Variants in NFASC observed in about 807,000 individuals in gnomAD.
NFASC encodes the protein neurofascin homolog.
In NFASC, 43 loss-of-function variants were observed where a neutral mutation model predicts 147.5. The observed-to-expected ratio is 0.29, with a 90% CI of 0.23 to 0.38. The LOEUF (loss-of-function observed/expected upper bound fraction) is 0.38, where lower values mean the gene tolerates loss of function less well. NFASC is among the 10% of genes least tolerant of loss of function. NFASC has a pLI of 1.00. For synonymous variants in NFASC, 622 were observed against 665.5 expected (o/e 0.93, Z 1.01); for missense variants, 1,320 against 1,689.0 (o/e 0.78, Z 3.83).
intron 1 of NFASC, among the ~76,000 whole-genome samples, chr1:204,887,326 A>T (rs1470364803): frequency 6.6e-6 from 1 of 152,210 alleles, no homozygotes; most frequent in Non-Finnish European, 1.5e-5. Flanking sequence ...AGCATGAGTC[A>T]AAATTTCCTT....
chr1:204,868,769 T>G (rs1042071562), intron 1 of NFASC, among the ~76,000 whole-genome samples: 8 of 152,126 alleles, frequency 5.3e-5, no homozygotes, highest in Non-Finnish European at 1.2e-4. Context: ...ACCCTCTGGG[T>G]CTGCCCACCC....
At chr1:204,980,687 G>A (rs1015566585) in intron 20 of NFASC, among the ~76,000 whole-genome samples, 11 of 152,188 alleles carry the variant, frequency 7.2e-5, no homozygotes, top group South Asian at 2.1e-4. Context: ...AGGGTCCACC[G>A]ACTGCCAGTC....
chr1:204,927,826 A>G (rs1410046360), intron 2 of NFASC, among the ~76,000 whole-genome samples: 1 of 152,140 alleles, frequency 6.6e-6, no homozygotes, highest in East Asian at 1.9e-4. Flanking sequence ...GGGTGGGGTA[A>G]CTTCACAAGC....
At chr1:204,870,674 C>G in intron 1 of NFASC, 1 of 1,078,714 alleles carries the variant, frequency 9.3e-7, no homozygotes, top group South Asian at 2.8e-5. Context: ...CAGCGGTGAG[C>G]GAGTGAGCAA....
At chr1:204,839,881 G>A (rs1313651709) in intron 1 of NFASC, among the ~76,000 whole-genome samples, 4 of 152,228 alleles carry the variant, frequency 2.6e-5, no homozygotes, top group Non-Finnish European at 4.4e-5. Flanking sequence ...AGCTCTGGAG[G>A]AGCAAGAGAA....
intron 2 of NFASC, among the ~76,000 whole-genome samples, chr1:204,921,545 TG>T (rs1558107756): frequency 1.3e-5 from 2 of 149,022 alleles, no homozygotes; most frequent in African/African-American, 5.2e-5. Flanking sequence ...GAGTTGGAGC[TG>T]GGGGGAGGGG....
At chr1:205,003,942 CG>C (rs567771475) in intron 27 of NFASC, among the ~76,000 whole-genome samples, 166 of 152,304 alleles carry the variant, frequency 1.1e-3, no homozygotes, top group Non-Finnish European at 1.7e-3. Context: ...GTCTGAGAGT[CG>C]GGCTCCCTGA....
chr1:204,974,769 G>T lies in NFASC; in HGVS notation c.1504G>T (p.Val502Phe), dbSNP rs2095358555. 6 of 1,614,244 alleles carry T rather than the reference G, an allele frequency of 3.7e-6. No homozygotes were observed. Among genetic ancestry groups the T allele is most frequent in the Non-Finnish European group, 5.1e-6 (6 of 1,180,044 alleles). The change falls in exon 14 of 30, where the codon GTC (valine) becomes TTC (phenylalanine). Residue 502 changes from valine (V) to phenylalanine (F), a missense_variant. Val to Phe is a conservative substitution (Grantham distance 50). Around this residue, in one of 3 missense-constraint regions of NFASC, gnomAD observed 981 missense variants for 1,289.5 expected, o/e 0.76. Transcript: ENST00000339876. ...AGAGGACCAGGGCATCTACACCTGT[G>T]TCGCCACCAACATCCTGGGCAAAGC... Reference protein sequence around the residue: ...RKEDQGIYTCVATNILGKAEN... With the variant: ...RKEDQGIYTCFATNILGKAEN...
chr1:204,974,881 A>C, intron 14 of NFASC, 58 bp downstream of exon 14: 1 of 1,530,992 alleles, frequency 6.5e-7, no homozygotes, highest in Admixed American at 1.7e-5. Context: ...CCATGCTGGC[A>C]GTTATCCACA....
chr1:204,984,019 C>T (rs752518573), intron 21 of NFASC: 2 of 1,600,944 alleles, frequency 1.2e-6, no homozygotes, highest in Admixed American at 1.7e-5. Flanking sequence ...TGTCCCAACA[C>T]ATTGCAGATC....
intron 2 of NFASC, among the ~76,000 whole-genome samples, chr1:204,922,212 ACT>A (rs2090636429): frequency 6.6e-6 from 1 of 151,810 alleles, no homozygotes; most frequent in Non-Finnish European, 1.5e-5. Context: ...CACCCTTCCC[ACT>A]CTCTATCCCT....
intron 1 of NFASC, among the ~76,000 whole-genome samples, chr1:204,884,001 G>A (rs1025247183): frequency 3.9e-5 from 6 of 152,192 alleles, no homozygotes; most frequent in Non-Finnish European, 8.8e-5. Flanking sequence ...CAGCATAACA[G>A]TGCCTCGACA....
intron 1 of NFASC, among the ~76,000 whole-genome samples, chr1:204,890,486 G>A (rs148005589): frequency 6.6e-6 from 1 of 152,150 alleles, no homozygotes; most frequent in Non-Finnish European, 1.5e-5. Flanking sequence ...CAGAAGGGGA[G>A]AAGGGAAACA....
chr1:204,965,804 TAGAC>T (rs531888959), intron 8 of NFASC, among the ~76,000 whole-genome samples: 185 of 152,360 alleles, frequency 1.2e-3, no homozygotes, highest in Non-Finnish European at 2.1e-3. Flanking sequence ...TGCCCATCTT[TAGAC>T]AGAGAGGCAA....
At chr1:204,952,817 T>C (rs1392050450) in intron 5 of NFASC, among the ~76,000 whole-genome samples, 1 of 152,180 alleles carries the variant, frequency 6.6e-6, no homozygotes, top group African/African-American at 2.4e-5. Flanking sequence ...TCATGCAAGA[T>C]TCAGACCCGT....
At chr1:204,858,078 C>T (rs1439879469) in intron 1 of NFASC, among the ~76,000 whole-genome samples, 1 of 151,828 alleles carries the variant, frequency 6.6e-6, no homozygotes, top group Non-Finnish European at 1.5e-5. Flanking sequence ...TGCCGTAACC[C>T]CCAGCTAATT....
At chr1:204,950,935 C>T (rs1423980122) in intron 4 of NFASC, among the ~76,000 whole-genome samples, 1 of 152,160 alleles carries the variant, frequency 6.6e-6, no homozygotes. Flanking sequence ...CCTCTCTGCT[C>T]TAGCCTCACC....
chr1:204,984,904 A>C (rs2095584470), intron 21 of NFASC, among the ~76,000 whole-genome samples: 1 of 152,194 alleles, frequency 6.6e-6, no homozygotes. Context: ...TGATTAATGC[A>C]CGTTCTGTGG....
At chr1:204,893,732 G>A (rs2082836975) in intron 1 of NFASC, among the ~76,000 whole-genome samples, 1 of 152,204 alleles carries the variant, frequency 6.6e-6, no homozygotes, top group Non-Finnish European at 1.5e-5. Context: ...TGCCTCCTGG[G>A]CTGCTCTGGC....
Sources: allele counts gnomAD v4.1 joint callset (sites outside exome capture counted in the v4.1 genomes callset), GRCh38; gene constraint gnomAD v4.1.1; regional missense constraint gnomAD v4.1.1; transcripts MANE v1.5; gene names NCBI Gene and HGNC (gene_info 2026-07-23, HGNC 2026-07-21).